Variants in NFASC observed in about 807,000 individuals in gnomAD.
NFASC encodes neurofascin homolog.
In NFASC, 43 loss-of-function variants were observed where a neutral mutation model predicts 147.5. The ratio of observed to expected loss-of-function variants is 0.29; its 90% CI spans 0.23 to 0.38. NFASC has a LOEUF of 0.38. Among genes scored for constraint, NFASC ranks in the 10% least tolerant of loss-of-function variants. The pLI is 1.00. For synonymous variants in NFASC, 622 were observed against 665.5 expected (o/e 0.93, Z 1.01); for missense variants, 1,320 against 1,689.0 (o/e 0.78, Z 3.83).
At chr1:204,843,587 TCTTCCTTC>T (rs141939311) in intron 1 of NFASC, among the ~76,000 whole-genome samples, 1,385 of 120,442 alleles carry the variant, frequency 0.011, 24 homozygotes, top group African/African-American at 0.023. Context: ...CTTCTTTCCT[TCTTCCTTC>T]CTTCCTTCCT....
chr1:204,923,593 G>A (rs1030154438), intron 2 of NFASC, among the ~76,000 whole-genome samples: 2 of 152,096 alleles, frequency 1.3e-5, no homozygotes, highest in Non-Finnish European at 2.9e-5. Flanking sequence ...CAGAAACATT[G>A]ACACAGGCCC....
At chr1:204,998,948 A>G (rs2095911316) in intron 25 of NFASC, 1 of 152,212 alleles carries the variant, frequency 6.6e-6, no homozygotes, top group South Asian at 2.1e-4. Flanking sequence ...TCTTATCTAG[A>G]CCTTGGGAAC....
At chr1:204,930,965 C>T (rs1013629846) in intron 2 of NFASC, among the ~76,000 whole-genome samples, 6 of 152,102 alleles carry the variant, frequency 3.9e-5, no homozygotes, top group African/African-American at 1.4e-4. Context: ...CAGATTTTAT[C>T]CCTCAGATTC....
At chr1:204,897,640 C>T (rs113326187) in intron 1 of NFASC, among the ~76,000 whole-genome samples, 3,733 of 151,692 alleles carry the variant, frequency 0.025, 127 homozygotes, top group East Asian at 0.076. Context: ...GTGGCACAAT[C>T]ATGGCTCACT....
rs528771669 is a variant in NFASC, at chr1:204,968,112, C to T, written c.707-137C>T. ...CTAACACACCTCACTTAATGATGCC[C>T]AAGTCCTTGGGATGGTTTCAGCTGG... On this transcript the variant is annotated intron_variant, in intron 8 of 29. Coordinates refer to ENST00000339876, the MANE Select transcript of NFASC (RefSeq NM_001005388.3). The surrounding 1 kb of genome is among the most constrained non-coding windows in gnomAD (Gnocchi z 5.4). 2 of 658,998 alleles carry T rather than the reference C, an allele frequency of 3.0e-6. No individual in the cohort carries two copies. Among genetic ancestry groups the T allele is most frequent in the Admixed American group, 2.4e-5 (1 of 41,984 alleles). 40.8% of individuals were successfully genotyped at this position (658,998 alleles called of 1,614,324 possible).
intron 16 of NFASC, chr1:204,977,201 C>A: frequency 1.2e-6 from 1 of 837,950 alleles, no homozygotes; most frequent in Non-Finnish European, 1.5e-6. Context: ...CTTTCCCTCC[C>A]GCTCCATCCC....
intron 1 of NFASC, among the ~76,000 whole-genome samples, chr1:204,892,673 G>A (rs915981683): frequency 3.3e-5 from 5 of 152,174 alleles, no homozygotes; most frequent in South Asian, 2.1e-4. Flanking sequence ...AATAGTTCTC[G>A]ATAGTTCTTA....
In NFASC at chr1:205,016,263, G is replaced by A; in HGVS notation, c.3492-45G>A. The stretch of plus-strand genomic sequence containing the variant: ...GGCATGTGCTGGCAGGAGGCCAGCT[G>A]CCCCATCTCACCCCACCTGAGATTC... On this transcript the variant is annotated intron_variant, in intron 29 of 29. Transcript: ENST00000339876. The surrounding 1 kb of genome is among the most constrained non-coding windows in gnomAD (Gnocchi z 5.1). 1 of 1,381,134 alleles carries A rather than the reference G, an allele frequency of 7.2e-7. No homozygotes were observed. Among genetic ancestry groups the A allele is most frequent in the Non-Finnish European group, 1.0e-6 (1 of 968,990 alleles). The allele number at this position is 1,381,134 out of a possible 1,614,324, so 85.6% of individuals were successfully genotyped here.
At chr1:204,949,423 C>T (rs183904200) in intron 3 of NFASC, among the ~76,000 whole-genome samples, 33 of 152,340 alleles carry the variant, frequency 2.2e-4, no homozygotes, top group Admixed American at 1.2e-3. Flanking sequence ...GCTCGCAGCT[C>T]CCCACAAGGA....
chr1:204,911,463 G>A (rs370783648), intron 1 of NFASC, among the ~76,000 whole-genome samples: 15 of 152,178 alleles, frequency 9.9e-5, no homozygotes, highest in Admixed American at 3.9e-4. Flanking sequence ...AGCAATCCTC[G>A]TGCCTCAGCC....
chr1:204,846,230 A>G (rs1266767693), intron 1 of NFASC, among the ~76,000 whole-genome samples: 2 of 151,618 alleles, frequency 1.3e-5, no homozygotes, highest in African/African-American at 4.8e-5. Context: ...CAGGGAGGGT[A>G]AGGAGACTGA....
At chr1:204,906,415 C>CTCTA (rs1291007818) in intron 1 of NFASC, among the ~76,000 whole-genome samples, 1 of 152,168 alleles carries the variant, frequency 6.6e-6, no homozygotes, top group Non-Finnish European at 1.5e-5. Flanking sequence ...TTTATTCTGT[C>CTCTA]TCTAGGGTTT....
At chr1:204,886,604 G>T (rs889271492) in intron 1 of NFASC, among the ~76,000 whole-genome samples, 1 of 152,132 alleles carries the variant, frequency 6.6e-6, no homozygotes, top group South Asian at 2.1e-4. Flanking sequence ...TTTTTCATAC[G>T]TTCCCAGATT....
Position 205,017,622 on chromosome 1 carries a change from A to C in NFASC, c.*1083A>C, listed in dbSNP as rs1416935242. 1.3e-5 allele frequency: 2 copies of C among 152,732 alleles called. No homozygotes were observed. Among genetic ancestry groups the C allele is most frequent in the African/African-American group, 4.8e-5 (2 of 41,464 alleles). 9.5% of individuals were successfully genotyped at this position (152,732 alleles called of 1,614,324 possible). On this transcript the variant is annotated 3_prime_UTR_variant, in exon 30 of 30. Transcript: ENST00000339876. ...TCGAGGAGATGGAACCCTGTGATGC[A>C]AAAGCTTTGCTGGTGTGTTTGGGGC...
rs150655555 is a variant in NFASC at position 205,009,648 on chromosome 1, C to A, written c.3381C>A (p.Ile1127=). Residue 1127 remains isoleucine, a synonymous_variant, in exon 28 of 30, where the codon ATC becomes ATA. Transcript: ENST00000339876. ...AIALLVLILL[I]VCFIKRSRGG... is the part of the protein sequence containing the mutation. Reference sequence around the variant, plus strand: ...CCCTCCTGGTGCTGATCCTGCTCATCGTCTGTTTCATCAAGAGGAGTCGCG... The same window carrying A: ...CCCTCCTGGTGCTGATCCTGCTCATAGTCTGTTTCATCAAGAGGAGTCGCG... 1,247 of 1,614,002 alleles carry A rather than the reference C, an allele frequency of 7.7e-4. 2 individuals are homozygous for A. Among genetic ancestry groups the A allele is most frequent in the Non-Finnish European group, 1.0e-3 (1,175 of 1,180,038 alleles).
At chr1:204,955,468 C>G (rs566578396) in intron 7 of NFASC, among the ~76,000 whole-genome samples, 15 of 152,206 alleles carry the variant, frequency 9.9e-5, no homozygotes, top group African/African-American at 3.6e-4. Context: ...CTGATTCGCT[C>G]TTCTGGTAGG....
chr1:205,009,507 A>T (rs759769267), intron 27 of NFASC, 50 bp from the exon 28 acceptor site: 2 of 1,600,874 alleles, frequency 1.2e-6, no homozygotes, highest in African/African-American at 1.3e-5. Context: ...CCTCCTCACC[A>T]TCTCCCCCAT....
At chr1:204,948,694 G>A (rs1162187653) in intron 3 of NFASC, 2 of 519,022 alleles carry the variant, frequency 3.9e-6, no homozygotes, top group Non-Finnish European at 3.8e-6. Context: ...CTTCTTCCTT[G>A]GATCTGGAGA....
At chr1:204,947,503 G>A (rs888223632) in intron 3 of NFASC, among the ~76,000 whole-genome samples, 9 of 152,182 alleles carry the variant, frequency 5.9e-5, no homozygotes, top group Admixed American at 1.3e-4. Context: ...GCTGGGCGCC[G>A]CAGGCCTCCT....
Sources: allele counts gnomAD v4.1 joint callset (sites outside exome capture counted in the v4.1 genomes callset), GRCh38; gene constraint gnomAD v4.1.1; non-coding constraint Gnocchi (gnomAD v3.1); transcripts MANE v1.5; gene names NCBI Gene and HGNC (gene_info 2026-07-23, HGNC 2026-07-21).